The following BRINP3 variants were observed in gnomAD, a reference collection of about 807,000 sequenced individuals.
BRINP3 encodes BMP/retinoic acid inducible neural specific 3.
Under a neutral mutation model 71.0 loss-of-function variants are expected in BRINP3, and 19 were observed. The ratio of observed to expected loss-of-function variants is 0.27; its 90% CI spans 0.19 to 0.39. The LOEUF (loss-of-function observed/expected upper bound fraction) is 0.39. Among genes scored for constraint, BRINP3 ranks in the 10% least tolerant of loss-of-function variants. The pLI, the probability that BRINP3 is intolerant of heterozygous loss-of-function variation, is 1.00. For missense variants in BRINP3, 959 were observed against 940.8 expected, an observed-to-expected ratio of 1.02 and a Z score of -0.25; for synonymous variants, 380 against 337.7, an observed-to-expected ratio of 1.13 and a Z score of -1.37.
chr1:190,193,137 C>T (rs1654190959), intron 6 of BRINP3, among the ~76,000 whole-genome samples: 1 of 151,494 alleles, frequency 6.6e-6, no homozygotes, highest in Non-Finnish European at 1.5e-5. Context: ...TCTGAAAATC[C>T]TGAGTGGAAT....
At chr1:190,353,521 T>C (rs1014378896) in intron 2 of BRINP3, among the ~76,000 whole-genome samples, 17 of 152,074 alleles carry the variant, frequency 1.1e-4, no homozygotes, top group African/African-American at 4.1e-4. Flanking sequence ...TTAAACTCTG[T>C]TTTTAAAGCT....
At chr1:190,457,719 C>G (rs1676096797) in intron 1 of BRINP3, among the ~76,000 whole-genome samples, 1 of 151,936 alleles carries the variant, frequency 6.6e-6, no homozygotes, top group Non-Finnish European at 1.5e-5. Flanking sequence ...TAAAATTAAA[C>G]AAATGTTTTG....
chr1:190,370,360 C>A (rs990268656), intron 2 of BRINP3, among the ~76,000 whole-genome samples: 1 of 151,758 alleles, frequency 6.6e-6, no homozygotes, highest in African/African-American at 2.4e-5. Flanking sequence ...ATTTGAAAAC[C>A]TAGATAAATG....
At chr1:190,107,508 C>A (rs1038848156) in intron 7 of BRINP3, among the ~76,000 whole-genome samples, 1 of 151,890 alleles carries the variant, frequency 6.6e-6, no homozygotes, top group African/African-American at 2.4e-5. Flanking sequence ...CTTTTTTGGA[C>A]AAGTGTGTTA....
At chr1:190,265,824 T>C (rs1047106675) in intron 3 of BRINP3, among the ~76,000 whole-genome samples, 2 of 152,204 alleles carry the variant, frequency 1.3e-5, no homozygotes, top group African/African-American at 4.8e-5. Flanking sequence ...AGTTTTCATC[T>C]GCACCTTTAA....
At chr1:190,227,626 AC>A (rs1657524043) in intron 5 of BRINP3, among the ~76,000 whole-genome samples, 1 of 151,926 alleles carries the variant, frequency 6.6e-6, no homozygotes, top group South Asian at 2.1e-4. Context: ...AAGTAAAAAA[AC>A]TTTTTATTAA....
At chr1:190,199,401 C>T (rs1397795255) in intron 6 of BRINP3, among the ~76,000 whole-genome samples, 3 of 152,028 alleles carry the variant, frequency 2.0e-5, no homozygotes, top group Admixed American at 6.6e-5. Context: ...ACTTCATCCA[C>T]CACAAAATCT....
chr1:190,244,079 T>C (rs114577992), intron 4 of BRINP3, among the ~76,000 whole-genome samples: 1,592 of 152,130 alleles, frequency 0.01, 24 homozygotes, highest in African/African-American at 0.036. Flanking sequence ...CATATTACAA[T>C]GTAATATTAA....
rs1200219374 is a variant in BRINP3, at chr1:190,165,000, T to G, written c.962-4110A>C. Reference sequence around the variant, plus strand: ...TATTGGTATAATTCAAGTATTTCAGTAGAAATGACAATGCAATATGGATAA... The same window carrying G: ...TATTGGTATAATTCAAGTATTTCAGGAGAAATGACAATGCAATATGGATAA... On this transcript the variant is annotated intron_variant, in intron 6 of 7. Transcript: ENST00000367462. Among the ~76,000 whole-genome samples the G allele has an allele frequency of 2.0e-5, 3 of 152,034 alleles. No homozygotes were observed. In the East Asian group the frequency reaches 5.8e-4, roughly 29 times the overall value.
intron 5 of BRINP3, among the ~76,000 whole-genome samples, chr1:190,231,090 G>A (rs1176126594): frequency 2.0e-5 from 3 of 151,542 alleles, no homozygotes; most frequent in Non-Finnish European, 4.4e-5. Flanking sequence ...TTCAATAGAA[G>A]TACACTTATT....
intron 7 of BRINP3, among the ~76,000 whole-genome samples, chr1:190,136,127 T>C (rs965849010): frequency 1.3e-5 from 2 of 152,092 alleles, no homozygotes; most frequent in Non-Finnish European, 2.9e-5. Context: ...AAATATTTCA[T>C]GAGAGAAATT....
At chr1:190,449,947 A>G (rs925952871) in intron 2 of BRINP3, among the ~76,000 whole-genome samples, 1 of 152,232 alleles carries the variant, frequency 6.6e-6, no homozygotes, top group African/African-American at 2.4e-5. Context: ...CAGAGTTGCC[A>G]AATGTAGCAA....
At position 190,477,816 on chromosome 1, in the gene BRINP3, G is replaced by A. The variant is rs1449223584; in HGVS notation, c.-419C>T. 1 of 152,358 alleles carries A rather than the reference G, an allele frequency of 6.6e-6. No individual in the cohort carries two copies. Among genetic ancestry groups the A allele is most frequent in the East Asian group, 1.9e-4 (1 of 5,174 alleles). The allele number at this position is 152,358 out of a possible 1,614,324, so 9.4% of individuals were successfully genotyped here. On this transcript the variant is annotated 5_prime_UTR_variant, in exon 1 of 8. Transcript: ENST00000367462. The stretch of plus-strand genomic sequence containing the variant: ...GGTGGAATACAGATAAATCTGCAAA[G>A]AGAAGTAAAAGGATGTGTTGAAGAC...
intron 2 of BRINP3, among the ~76,000 whole-genome samples, chr1:190,348,478 C>A (rs549889694): frequency 6.6e-6 from 1 of 152,162 alleles, no homozygotes; most frequent in East Asian, 1.9e-4. Flanking sequence ...AAAAGCCTCA[C>A]AACTTCTTAA....
chr1:190,197,498 G>A (rs932988769), intron 6 of BRINP3, among the ~76,000 whole-genome samples: 3 of 152,198 alleles, frequency 2.0e-5, no homozygotes, highest in Non-Finnish European at 2.9e-5. Context: ...AGATACAATG[G>A]GGGTACAGGC....
At chr1:190,394,195 G>A (rs1460397421) in intron 2 of BRINP3, among the ~76,000 whole-genome samples, 1 of 151,446 alleles carries the variant, frequency 6.6e-6, no homozygotes, top group East Asian at 1.9e-4. Flanking sequence ...GTGTCAAGCT[G>A]TTCACTACTG....
chr1:190,200,456 C>T (rs1168724065), intron 6 of BRINP3, among the ~76,000 whole-genome samples: 1 of 152,086 alleles, frequency 6.6e-6, no homozygotes, highest in African/African-American at 2.4e-5. Context: ...AAATGGATGA[C>T]TGGTGTCAAA....
intron 4 of BRINP3, among the ~76,000 whole-genome samples, chr1:190,235,620 C>T (rs1253481163): frequency 6.6e-6 from 1 of 151,914 alleles, no homozygotes. Flanking sequence ...CTTGCTGTAT[C>T]TCAAACATAC....
intron 2 of BRINP3, among the ~76,000 whole-genome samples, chr1:190,400,598 T>G (rs10920712): frequency 0.17 from 26,209 of 152,130 alleles, 2,388 homozygotes; most frequent in East Asian, 0.22. Flanking sequence ...CTTCCATGAT[T>G]TTATAGATTA....
Sources: allele counts gnomAD v4.1 joint callset (sites outside exome capture counted in the v4.1 genomes callset), GRCh38; gene constraint gnomAD v4.1.1; transcripts MANE v1.5; gene names NCBI Gene and HGNC (gene_info 2026-07-23, HGNC 2026-07-21).